Variants in QTMAN observed in about 807,000 individuals in gnomAD.
The protein encoded by QTMAN is queuosine-tRNA mannosyltransferase, also known as tRNA-queuosine alpha-mannosyltransferase.
the QTMAN span, among the ~76,000 whole-genome samples, chr2:144,132,804 G>A: frequency 1.3e-5 from 2 of 151,712 alleles, no homozygotes; most frequent in African/African-American, 4.8e-5. Context: ...AACAAAAATG[G>A]TGATAATGAA....
At chr2:144,225,644 C>G in the QTMAN span, among the ~76,000 whole-genome samples, 1 of 152,148 alleles carries the variant, frequency 6.6e-6, no homozygotes, top group Non-Finnish European at 1.5e-5. Flanking sequence ...CTCTCTGAAA[C>G]CTTTTGCCTT....
chr2:143,957,383 T>C, the QTMAN span: 1 of 1,264,390 alleles, frequency 7.9e-7, no homozygotes, highest in Admixed American at 2.5e-5. Context: ...TAATATAGTG[T>C]AAAATGATAT....
the QTMAN span, among the ~76,000 whole-genome samples, chr2:143,961,967 C>T: frequency 6.6e-6 from 1 of 152,098 alleles, no homozygotes; most frequent in South Asian, 2.1e-4. Context: ...GAAAAGATAG[C>T]TTCACAGGTA....
At chr2:144,332,142 G>T in the QTMAN span, among the ~76,000 whole-genome samples, 1 of 151,064 alleles carries the variant, frequency 6.6e-6, no homozygotes, top group East Asian at 2.0e-4. Flanking sequence ...AACGCAATTC[G>T]AACACGACCA....
chr2:143,977,865 A>C, the QTMAN span, among the ~76,000 whole-genome samples: 1 of 152,286 alleles, frequency 6.6e-6, no homozygotes, highest in East Asian at 1.9e-4. Context: ...TTCAAAACTC[A>C]AAGTCCATGA....
At chr2:144,121,882 A>G in the QTMAN span, among the ~76,000 whole-genome samples, 1 of 152,094 alleles carries the variant, frequency 6.6e-6, no homozygotes, top group Non-Finnish European at 1.5e-5. Flanking sequence ...TTCACCTTTA[A>G]AAAAAAGATG....
the QTMAN span, among the ~76,000 whole-genome samples, chr2:144,129,705 A>G: frequency 6.6e-6 from 1 of 152,046 alleles, no homozygotes; most frequent in African/African-American, 2.4e-5. Context: ...GAATGTATGA[A>G]TATCATTTGT....
At chr2:144,274,836 C>T in the QTMAN span, among the ~76,000 whole-genome samples, 1 of 152,144 alleles carries the variant, frequency 6.6e-6, no homozygotes, top group Non-Finnish European at 1.5e-5. Context: ...ATACCTTACA[C>T]CCAGTCAATC....
At chr2:144,010,670 T>C in the QTMAN span, among the ~76,000 whole-genome samples, 1 of 151,962 alleles carries the variant, frequency 6.6e-6, no homozygotes, top group Admixed American at 6.6e-5. Context: ...GAACTGTATA[T>C]GTTTGAAAAT....
chr2:143,995,541 T>C, the QTMAN span, among the ~76,000 whole-genome samples: 1 of 152,178 alleles, frequency 6.6e-6, no homozygotes, highest in Non-Finnish European at 1.5e-5. Flanking sequence ...GTTAACATTA[T>C]TCCCATCATA....
At chr2:144,262,942 GAGGGGAT>G in the QTMAN span, among the ~76,000 whole-genome samples, 1 of 91,068 alleles carries the variant, frequency 1.1e-5, no homozygotes, top group Non-Finnish European at 2.3e-5. Flanking sequence ...GGGAAGAGGG[GAGGGGAT>G]AGGGGAAGGG....
the QTMAN span, among the ~76,000 whole-genome samples, chr2:144,287,690 C>A: frequency 2.0e-5 from 3 of 152,096 alleles, no homozygotes; most frequent in Non-Finnish European, 4.4e-5. Flanking sequence ...TTCAGGGTCA[C>A]ACAGGATAGA....
At chr2:144,088,570 A>G in the QTMAN span, among the ~76,000 whole-genome samples, 1 of 152,132 alleles carries the variant, frequency 6.6e-6, no homozygotes, top group African/African-American at 2.4e-5. Flanking sequence ...ATTTCAATAC[A>G]TATTACAAGT....
At chr2:143,980,692 CATAA>C in the QTMAN span, among the ~76,000 whole-genome samples, 42 of 152,198 alleles carry the variant, frequency 2.8e-4, no homozygotes, top group Non-Finnish European at 4.1e-4. Flanking sequence ...TTTCTTCTTT[CATAA>C]ATAAAGATTT....
the QTMAN span, among the ~76,000 whole-genome samples, chr2:144,124,217 T>C: frequency 9.9e-5 from 15 of 152,276 alleles, no homozygotes; most frequent in East Asian, 2.7e-3. Context: ...GCCATACCAG[T>C]GATCTCAGTC....
the QTMAN span, among the ~76,000 whole-genome samples, chr2:144,000,937 T>A: frequency 6.6e-6 from 1 of 151,952 alleles, no homozygotes; most frequent in Non-Finnish European, 1.5e-5. Context: ...AAGACTGATT[T>A]CCAAAAGTAC....
the QTMAN span, among the ~76,000 whole-genome samples, chr2:143,975,577 C>T: frequency 6.6e-6 from 1 of 152,184 alleles, no homozygotes; most frequent in Non-Finnish European, 1.5e-5. Flanking sequence ...TCTGAGCACA[C>T]AGAAGACTCC....
At chr2:144,272,185 G>T in the QTMAN span, among the ~76,000 whole-genome samples, 1 of 151,850 alleles carries the variant, frequency 6.6e-6, no homozygotes, top group South Asian at 2.1e-4. Context: ...ACCATATATT[G>T]TCACAATAGG....
At chr2:144,275,009 G>A in the QTMAN span, among the ~76,000 whole-genome samples, 2 of 152,140 alleles carry the variant, frequency 1.3e-5, no homozygotes, top group African/African-American at 4.8e-5. Context: ...GGTGTCTACT[G>A]GAAAATCTGG....
Sources: allele counts gnomAD v4.1 joint callset (sites outside exome capture counted in the v4.1 genomes callset), GRCh38; gene constraint gnomAD v4.1.1; transcripts MANE v1.5; gene names NCBI Gene and HGNC (gene_info 2026-07-23, HGNC 2026-07-21).